CCDC30: variants seen among roughly 807,000 people sequenced by gnomAD.
The protein encoded by CCDC30 is coiled-coil domain-containing protein 30.
Under a neutral mutation model 100.2 loss-of-function variants are expected in CCDC30, and 70 were observed. That is an observed-to-expected ratio of 0.70 (90% CI 0.58 to 0.85). The LOEUF (loss-of-function observed/expected upper bound fraction) is 0.85, where lower values mean the gene tolerates loss of function less well. CCDC30 is among the 40% of genes least tolerant of loss of function. The pLI is 0.00. For missense variants in CCDC30, 652 were observed against 771.2 expected (o/e 0.85, Z 1.83); for synonymous variants, 233 against 269.5 (o/e 0.86, Z 1.33).
At chr1:42,456,932 A>G in the CCDC30 span, 1 of 1,608,442 alleles carries the variant, frequency 6.2e-7, no homozygotes, top group Non-Finnish European at 8.5e-7. Flanking sequence ...GGCCGAGGAG[A>G]ATGCACTTCC....
At chr1:42,642,491 C>G in exon 13 of CCDC30, 1 of 1,591,086 alleles carries the variant, frequency 6.3e-7, no homozygotes, top group Non-Finnish European at 8.6e-7. Context: ...AATACAGGAC[C>G]AGATCACTGC....
chr1:42,482,876 C>A, intron 3 of CCDC30, 60 bp downstream of exon 3: 4 of 1,056,332 alleles, frequency 3.8e-6, no homozygotes, highest in Non-Finnish European at 4.8e-6. Flanking sequence ...GATCTCATCT[C>A]AGGGTGGAAC....
At chr1:42,512,093 CT>C in intron 6 of CCDC30, among the ~76,000 whole-genome samples, 1 of 152,316 alleles carries the variant, frequency 6.6e-6, no homozygotes, top group East Asian at 1.9e-4. Context: ...TGGGCTCTGG[CT>C]AGTTATCTGC....
At chr1:42,581,107 C>A in intron 8 of CCDC30, 1 of 389,566 alleles carries the variant, frequency 2.6e-6, no homozygotes, top group Non-Finnish European at 4.8e-6. Flanking sequence ...TCCCACAGTT[C>A]TGGGATTACA....
intron 8 of CCDC30, 151 bp from the exon 13 acceptor site, chr1:42,581,209 T>A: frequency 1.6e-6 from 1 of 622,166 alleles, no homozygotes; most frequent in Non-Finnish European, 2.8e-6. Flanking sequence ...TTAAACAATT[T>A]ATTTTAAAAT....
intron 9 of CCDC30, among the ~76,000 whole-genome samples, chr1:42,583,632 G>T (rs908924175): frequency 1.3e-5 from 2 of 151,932 alleles, no homozygotes; most frequent in South Asian, 2.1e-4. Flanking sequence ...TTCTATTTCA[G>T]TGACATAATA....
intron 6 of CCDC30, among the ~76,000 whole-genome samples, chr1:42,525,033 G>A (rs1644703828): frequency 6.6e-6 from 1 of 152,074 alleles, no homozygotes; most frequent in East Asian, 1.9e-4. Flanking sequence ...CAAGCTCATA[G>A]TCATTCTTAT....
At chr1:42,465,553 G>A (rs1038075047) in intron 1 of CCDC30, among the ~76,000 whole-genome samples, 5 of 151,936 alleles carry the variant, frequency 3.3e-5, no homozygotes, top group Non-Finnish European at 7.4e-5. Flanking sequence ...TAGTAGAGAC[G>A]GGGTTTCTCC....
intron 10 of CCDC30, among the ~76,000 whole-genome samples, chr1:42,609,424 G>A (rs1646572961): frequency 6.6e-6 from 1 of 152,052 alleles, no homozygotes; most frequent in Admixed American, 6.6e-5. Context: ...AATTTGGTGG[G>A]GAGTCAAAAA....
intron 9 of CCDC30, among the ~76,000 whole-genome samples, chr1:42,587,234 C>T (rs926960106): frequency 1.2e-4 from 18 of 152,118 alleles, no homozygotes; most frequent in Non-Finnish European, 2.2e-4. Context: ...TGGGCTCAAG[C>T]GATCCTCCTA....
At chr1:42,567,550 T>C (rs1258495011) in intron 7 of CCDC30, among the ~76,000 whole-genome samples, 2 of 152,226 alleles carry the variant, frequency 1.3e-5, no homozygotes, top group Non-Finnish European at 2.9e-5. Context: ...CTAAGGGAGT[T>C]CTCGTATTCC....
intron 6 of CCDC30, among the ~76,000 whole-genome samples, chr1:42,502,092 C>T (rs896302581): frequency 7.2e-5 from 11 of 152,298 alleles, no homozygotes; most frequent in Middle Eastern, 3.4e-3. Flanking sequence ...CCTTGAGCTG[C>T]GGTGGGCTTC....
chr1:42,613,992 A>G (rs1570250618), intron 11 of CCDC30, among the ~76,000 whole-genome samples: 1 of 152,232 alleles, frequency 6.6e-6, no homozygotes, highest in African/African-American at 2.4e-5. Flanking sequence ...CCTTCATTAT[A>G]TAAGAGTAGC....
At chr1:42,542,722 T>C (rs1645039578) in intron 6 of CCDC30, 1 of 136,996 alleles carries the variant, frequency 7.3e-6, no homozygotes, top group African/African-American at 2.6e-5. Flanking sequence ...GGCTAATTTT[T>C]TTTTGTATTT....
intron 11 of CCDC30, among the ~76,000 whole-genome samples, chr1:42,624,899 T>A (rs1646903628): frequency 6.6e-6 from 1 of 152,236 alleles, no homozygotes; most frequent in Non-Finnish European, 1.5e-5. Context: ...ACTGGTCTTG[T>A]AGAATGAGTT....
At chr1:42,478,979 C>T (rs1643915580) in intron 1 of CCDC30, among the ~76,000 whole-genome samples, 1 of 152,066 alleles carries the variant, frequency 6.6e-6, no homozygotes, top group African/African-American at 2.4e-5. Flanking sequence ...TTGATGTGGA[C>T]ATGCAAGGTC....
exon 17 of CCDC30, chr1:42,654,123 C>A: frequency 1.3e-6 from 1 of 793,876 alleles, no homozygotes. Flanking sequence ...ACCACAGATC[C>A]CAAATGGATA....
At chr1:42,600,853 C>T (rs1033796385) in intron 10 of CCDC30, among the ~76,000 whole-genome samples, 1 of 151,956 alleles carries the variant, frequency 6.6e-6, no homozygotes, top group African/African-American at 2.4e-5. Flanking sequence ...CCCTCCCTCC[C>T]TCCTTCTTTC....
chr1:42,500,767 T>C (rs1644300876), intron 6 of CCDC30, among the ~76,000 whole-genome samples: 1 of 152,084 alleles, frequency 6.6e-6, no homozygotes, highest in African/African-American at 2.4e-5. Flanking sequence ...TGTTTTGTTT[T>C]TTTACATATT....
Sources: allele counts gnomAD v4.1 joint callset (sites outside exome capture counted in the v4.1 genomes callset), GRCh38; gene constraint gnomAD v4.1.1; transcripts MANE v1.5; gene names NCBI Gene and HGNC (gene_info 2026-07-23, HGNC 2026-07-21).